TMEM132B: variants seen among roughly 807,000 people sequenced by gnomAD.
The protein encoded by TMEM132B is transmembrane protein 132B.
TMEM132B carries 18 observed loss-of-function variants against 90.8 expected under a neutral mutation model. That is an observed-to-expected ratio of 0.20 (90% CI 0.14 to 0.29). The LOEUF (loss-of-function observed/expected upper bound fraction) is 0.29, where lower values mean the gene tolerates loss of function less well. Among genes scored for constraint, TMEM132B ranks in the 10% least tolerant of loss-of-function variants. The pLI is 1.00. For missense variants in TMEM132B, 1,096 were observed against 1,326.8 expected (o/e 0.83, Z 2.70); for synonymous variants, 504 against 523.3 (o/e 0.96, Z 0.50).
At chr12:125,568,810 C>T (rs895480228) in intron 4 of TMEM132B, among the ~76,000 whole-genome samples, 2 of 152,110 alleles carry the variant, frequency 1.3e-5, no homozygotes, top group African/African-American at 4.8e-5. Flanking sequence ...TAATTATTTG[C>T]CCTTTATGTG....
intron 3 of TMEM132B, among the ~76,000 whole-genome samples, chr12:125,496,590 T>C (rs4765044): frequency 0.58 from 87,892 of 151,900 alleles, 25,805 homozygotes; most frequent in Middle Eastern, 0.75. Context: ...GGCTCAAGGA[T>C]GGGGGCAACC....
chr12:125,384,797 C>T (rs528419315), intron 2 of TMEM132B, among the ~76,000 whole-genome samples: 9 of 152,078 alleles, frequency 5.9e-5, no homozygotes, highest in Non-Finnish European at 1.0e-4. Flanking sequence ...ATTACAGGAG[C>T]GTGCTACCAT....
At chr12:125,626,052 C>T (rs1025154706) in intron 5 of TMEM132B, among the ~76,000 whole-genome samples, 6 of 152,268 alleles carry the variant, frequency 3.9e-5, no homozygotes, top group Non-Finnish European at 2.9e-5. Flanking sequence ...ACACACAATG[C>T]ATTGTTACTA....
chr12:125,192,678 C>T (rs1042871804), intron 1 of TMEM132B, among the ~76,000 whole-genome samples: 15 of 152,182 alleles, frequency 9.9e-5, no homozygotes, highest in Non-Finnish European at 1.8e-4. Context: ...CCTCCTCATT[C>T]GGGAGCCCCG....
Position 125,213,605 on chromosome 12 carries a change from C to T in TMEM132B, c.67+26739C>T, listed in dbSNP as rs2136067566. 6.6e-6 allele frequency among the ~76,000 whole-genome samples: 1 copy of T among 152,374 alleles called. No individual in the cohort carries two copies. The highest frequency in any genetic ancestry group is 1.5e-5 in the Non-Finnish European group (1 of 68,044). Reference sequence around the variant, plus strand: ...CTGATTCAGTGATGGCTTCTCCAGCCTAGACCTTCTCTATAAATTACTGTG... The same window carrying T: ...CTGATTCAGTGATGGCTTCTCCAGCTTAGACCTTCTCTATAAATTACTGTG... On this transcript the variant is annotated intron_variant, in intron 1 of 8. Coordinates refer to ENST00000682704, the MANE Select transcript of TMEM132B (RefSeq NM_001366854.1). The surrounding 1 kb of genome is among the most constrained non-coding windows in gnomAD (Gnocchi z 4.2).
intron 1 of TMEM132B, among the ~76,000 whole-genome samples, chr12:125,187,199 C>G (rs1957765221): frequency 1.3e-5 from 2 of 152,258 alleles, no homozygotes; most frequent in South Asian, 4.1e-4. Context: ...TGGGCCAAAT[C>G]CCCCCCAGGT....
chr12:125,264,959 G>T (rs1420262686), intron 1 of TMEM132B, among the ~76,000 whole-genome samples: 3 of 152,122 alleles, frequency 2.0e-5, no homozygotes, highest in Non-Finnish European at 4.4e-5. Flanking sequence ...TTTGCTGTTT[G>T]GTGATTTTGT....
intron 2 of TMEM132B, among the ~76,000 whole-genome samples, chr12:125,413,451 C>G (rs1009174125): frequency 6.6e-6 from 1 of 152,142 alleles, no homozygotes; most frequent in Admixed American, 6.5e-5. Flanking sequence ...GTCGTCATCC[C>G]AAAAGGAAAC....
Position 125,659,975 on chromosome 12 carries a change from A to C in TMEM132B, c.*5265A>C, listed in dbSNP as rs1321846302. ...GTCTTTTCCCTGGGAACATGGGAGCACTGACACAGAACTCAACTGGTCCAG... is the reference window on the plus strand; with the variant it reads ...GTCTTTTCCCTGGGAACATGGGAGCCCTGACACAGAACTCAACTGGTCCAG... On this transcript the variant is annotated 3_prime_UTR_variant, in exon 9 of 9. Coordinates refer to ENST00000682704, the MANE Select transcript of TMEM132B (RefSeq NM_001366854.1). 6.6e-6 allele frequency: 1 copy of C among 152,330 alleles called. No homozygotes were observed. The highest frequency in any genetic ancestry group is 2.4e-5 in the African/African-American group (1 of 41,472). 9.4% of individuals were successfully genotyped at this position (152,330 alleles called of 1,614,324 possible).
intron 4 of TMEM132B, among the ~76,000 whole-genome samples, chr12:125,580,417 G>A (rs1885029470): frequency 6.6e-6 from 1 of 152,092 alleles, no homozygotes; most frequent in Admixed American, 6.6e-5. Flanking sequence ...CTTGCAAGTG[G>A]GTTTTTTCAG....
rs1887050361 is a variant in TMEM132B at position 125,655,969 on chromosome 12, T to A, written c.*1259T>A. On this transcript the variant is annotated 3_prime_UTR_variant, in exon 9 of 9. Coordinates refer to ENST00000682704, the MANE Select transcript of TMEM132B (RefSeq NM_001366854.1). ...GCAGTGGGTTTCCCCCCAAAATCCA[T>A]ACAAATAAATGACTATTCCAGAACT... 6.6e-6 allele frequency: 1 copy of A among 150,482 alleles called. No individual in the cohort carries two copies. Among genetic ancestry groups the A allele is most frequent in the Non-Finnish European group, 1.5e-5 (1 of 67,736 alleles). The allele number at this position is 150,482 out of a possible 1,614,324, so 9.3% of individuals were successfully genotyped here.
At chr12:125,520,053 A>T (rs1592971189) in intron 4 of TMEM132B, among the ~76,000 whole-genome samples, 1 of 152,196 alleles carries the variant, frequency 6.6e-6, no homozygotes, top group Non-Finnish European at 1.5e-5. Flanking sequence ...TCTAAAATGC[A>T]GATGGACTGA....
At chr12:125,599,997 G>A (rs564202099) in intron 5 of TMEM132B, among the ~76,000 whole-genome samples, 1 of 152,306 alleles carries the variant, frequency 6.6e-6, no homozygotes, top group South Asian at 2.1e-4. Flanking sequence ...AGGCGACAAT[G>A]GGTGGACAGG....
At chr12:125,304,070 A>T (rs1047218798) in intron 1 of TMEM132B, among the ~76,000 whole-genome samples, 3 of 152,238 alleles carry the variant, frequency 2.0e-5, no homozygotes. Context: ...TTCCACCTCA[A>T]ATCAGGCATT....
intron 3 of TMEM132B, among the ~76,000 whole-genome samples, chr12:125,494,103 C>G (rs1463220717): frequency 1.5e-5 from 2 of 129,384 alleles, no homozygotes; most frequent in African/African-American, 6.0e-5. Flanking sequence ...TGAAAATGGC[C>G]GCATCCCTCC....
chr12:125,519,395 G>A, intron 3 of TMEM132B, 44 bp from the exon 4 acceptor site: 1 of 1,546,678 alleles, frequency 6.5e-7, no homozygotes, highest in Non-Finnish European at 8.8e-7. Flanking sequence ...ATTTTGCTGA[G>A]TCTGAGGTTT....
chr12:125,211,846 A>G (rs1402186652), intron 1 of TMEM132B, among the ~76,000 whole-genome samples: 2 of 152,128 alleles, frequency 1.3e-5, no homozygotes, highest in African/African-American at 4.8e-5. Flanking sequence ...TTGTCTGGGG[A>G]ATTGAGCAAG....
intron 3 of TMEM132B, among the ~76,000 whole-genome samples, chr12:125,420,905 C>T (rs1408953154): frequency 1.3e-5 from 2 of 152,182 alleles, no homozygotes; most frequent in African/African-American, 4.8e-5. Context: ...TAAATAATCT[C>T]TCTCAGATTC....
intron 4 of TMEM132B, among the ~76,000 whole-genome samples, chr12:125,565,515 T>C (rs7307958): frequency 0.95 from 144,884 of 152,274 alleles, 68,967 homozygotes; most frequent in African/African-American, 0.98. Flanking sequence ...GCTTGTCCAG[T>C]ATCCAGGAAG....
Sources: gnomAD v4.1 joint callset for allele counts (sites outside exome capture counted in the v4.1 genomes callset) on GRCh38, gnomAD v4.1.1 for gene constraint, Gnocchi (gnomAD v3.1) non-coding constraint, MANE v1.5 for transcripts, NCBI Gene and HGNC (gene_info 2026-07-23, HGNC 2026-07-21) for gene names.